DMXL1: variants seen among roughly 807,000 people sequenced by gnomAD.
DMXL1 encodes the protein dmX-like protein 1.
In DMXL1, 99 loss-of-function variants were observed where a neutral mutation model predicts 319.2. The ratio of observed to expected loss-of-function variants is 0.31; its 90% CI spans 0.26 to 0.37. DMXL1 has a LOEUF of 0.37. Among genes scored for constraint, DMXL1 ranks in the 10% least tolerant of loss-of-function variants. The pLI, the probability that DMXL1 is intolerant of heterozygous loss-of-function variation, is 1.00. For missense variants in DMXL1, 3,745 were observed against 3,595.6 expected (o/e 1.04, Z -1.06); for synonymous variants, 1,385 against 1,235.2 (o/e 1.12, Z -2.54).
In DMXL1 at chr5:119,071,225, G is replaced by A. The variant is rs768144893; in HGVS notation, c.-345G>A. 3.3e-6 allele frequency: 1 copy of A among 305,616 alleles called. No homozygotes were observed. The highest frequency in any genetic ancestry group is 6.2e-6 in the Non-Finnish European group (1 of 161,552). 18.9% of individuals were successfully genotyped at this position (305,616 alleles called of 1,614,324 possible). A position where few individuals can be genotyped will look rare whatever the true frequency, so the allele number is the denominator to read the frequency against. Reference sequence around the variant, plus strand: ...CAGGAGCGGCTGCCCGAGGTCCAGAGGAAGTGTGTGGACAGCGCGGCCTTC... The same window carrying A: ...CAGGAGCGGCTGCCCGAGGTCCAGAAGAAGTGTGTGGACAGCGCGGCCTTC... On this transcript the variant is annotated 5_prime_UTR_variant, in exon 1 of 44. Transcript: ENST00000539542.
chr5:119,158,711 A>G (rs1027349176), intron 19 of DMXL1, among the ~76,000 whole-genome samples: 9 of 152,186 alleles, frequency 5.9e-5, no homozygotes, highest in Non-Finnish European at 1.3e-4. Context: ...GAATTTTATC[A>G]GATGCTTTTT....
At chr5:119,213,002 C>A (rs2150528818) in intron 34 of DMXL1, among the ~76,000 whole-genome samples, 1 of 152,206 alleles carries the variant, frequency 6.6e-6, no homozygotes, top group African/African-American at 2.4e-5. Flanking sequence ...CTATTCTGTG[C>A]CTGCACTCAA....
chr5:119,150,293 T>G lies in DMXL1; in HGVS notation c.4466T>G (p.Leu1489Arg). The G allele has an allele frequency of 6.2e-7, 1 of 1,613,882 alleles. No individual in the cohort carries two copies. Among genetic ancestry groups the G allele is most frequent in the Non-Finnish European group, 8.5e-7 (1 of 1,179,874 alleles). ...TYFGPEHAQV[L>R]SGHLLHSSLP... Reference sequence around the variant, plus strand: ...TTTGGACCTGAGCATGCTCAGGTTCTTTCTGGCCACTTACTTCATTCTAGT... The same window carrying G: ...TTTGGACCTGAGCATGCTCAGGTTCGTTCTGGCCACTTACTTCATTCTAGT... The change falls in exon 18 of 44, where the codon CTT becomes CGT. Residue 1489 changes from leucine to arginine, a missense_variant. This residue lies in a region of DMXL1 where 2,096 missense variants were observed against 1,985.4 expected (regional missense o/e 1.06). Coordinates refer to ENST00000539542, the MANE Select transcript of DMXL1 (RefSeq NM_001290321.3).
At chr5:119,105,431 C>G (rs1189893885) in intron 4 of DMXL1, among the ~76,000 whole-genome samples, 173 bp downstream of exon 4, 1 of 152,056 alleles carries the variant, frequency 6.6e-6, no homozygotes, top group African/African-American at 2.4e-5. Flanking sequence ...CAGATATGCA[C>G]TGTAAGAAAT....
chr5:119,095,504 G>A (rs780997919), intron 1 of DMXL1, among the ~76,000 whole-genome samples: 10 of 152,198 alleles, frequency 6.6e-5, no homozygotes, highest in Non-Finnish European at 1.3e-4. Flanking sequence ...TACTTGCAAC[G>A]TAATATCTGA....
Position 119,149,782 on chromosome 5 carries a change from T to G in DMXL1, c.3955T>G (p.Ser1319Ala), listed in dbSNP as rs758946355. ...SGLFEAAHVL[S>A]PTLPQYHPLQ... ...TCTTTTTGAAGCAGCTCATGTACTT[T>G]CCCCGACTCTACCTCAGTATCATCC... Residue 1319 changes from serine to alanine, a missense_variant, in exon 18 of 44, where the codon TCC becomes GCC. Ser to Ala is a moderately conservative substitution (Grantham distance 99). Transcript: ENST00000539542. The G allele has an allele frequency of 3.7e-6, 6 of 1,613,918 alleles. No individual in the cohort carries two copies. Among genetic ancestry groups the G allele is most frequent in the East Asian group, 2.2e-5 (1 of 44,874 alleles).
rs776518541 is a variant in DMXL1, at chr5:119,220,552, C to G, written c.8094C>G (p.Val2698=). The part of the protein sequence containing the change: ...LDVSGILATQ[V]YTWVDDDIEV... ...TTTCTGGAATTCTGGCCACACAGGT[C>G]TACACTTGGGTAGATGATGATATAG... is the stretch of plus-strand genomic sequence containing the variant. The change falls in exon 36 of 44, where the codon GTC becomes GTG. Residue 2698 remains valine, a synonymous_variant. Transcript: ENST00000539542. 6.2e-7 allele frequency: 1 copy of G among 1,613,926 alleles called. No homozygotes were observed. The highest frequency in any genetic ancestry group is 2.2e-5 in the East Asian group (1 of 44,830).
chr5:119,212,173 CAAACTG>C (rs1018944931), intron 34 of DMXL1, among the ~76,000 whole-genome samples: 1 of 152,186 alleles, frequency 6.6e-6, no homozygotes, highest in African/African-American at 2.4e-5. Flanking sequence ...TCATCCTCTC[CAAACTG>C]AAACTTTGTG....
At chr5:119,189,957 A>C in intron 29 of DMXL1, 71 bp downstream of exon 29, 7 of 1,449,624 alleles carry the variant, frequency 4.8e-6, no homozygotes, top group Non-Finnish European at 6.6e-6. Context: ...AATAAGTGTC[A>C]TTTTTGGTGC....
intron 34 of DMXL1, among the ~76,000 whole-genome samples, chr5:119,214,215 A>G (rs1783285834): frequency 1.3e-5 from 2 of 152,012 alleles, no homozygotes; most frequent in Non-Finnish European, 2.9e-5. Context: ...TCACCCACCT[A>G]TCAGGCCTGA....
In DMXL1 at chr5:119,159,594, C is replaced by G. The variant is rs911137043; in HGVS notation, c.4703-4913C>G. On this transcript the variant is annotated intron_variant, in intron 19 of 43. Coordinates refer to ENST00000539542, the MANE Select transcript of DMXL1 (RefSeq NM_001290321.3). ...ATTTGTGGTATCAGTTGTAGTGTCT[C>G]TTCGTTAACTTCTAATTTTATTTTT... Among the ~76,000 whole-genome samples the G allele has an allele frequency of 3.9e-5, 6 of 152,160 alleles. No individual in the cohort carries two copies. In the South Asian group the frequency reaches 1.2e-3, roughly 32 times the overall value.
At chr5:119,139,606 G>T (rs953792713) in intron 13 of DMXL1, among the ~76,000 whole-genome samples, 1 of 152,120 alleles carries the variant, frequency 6.6e-6, no homozygotes, top group African/African-American at 2.4e-5. Context: ...ACCAACACAG[G>T]AGCACCCAGA....
rs1774407288 is a variant in DMXL1, at chr5:119,170,867, G to A, written c.6076G>A (p.Val2026Ile). The A allele has an allele frequency of 3.1e-6, 5 of 1,612,348 alleles. No individual in the cohort carries two copies. The highest frequency in any genetic ancestry group is 2.5e-6 in the Non-Finnish European group (3 of 1,179,576). Residue 2026 changes from valine (V) to isoleucine (I), a missense_variant, in exon 24 of 44, where the codon GTT becomes ATT. Around this residue, in one of 4 missense-constraint regions of DMXL1, gnomAD observed 1,382 missense variants for 1,269.5 expected, o/e 1.09. Transcript: ENST00000539542. ...LLNPSEDIIA[V>I]QLKFRACLKI... ...AAATCCATCAGAAGATATAATTGCAGTTCAGTTAAAATTTAGAGCATGTTT... is the reference window on the plus strand; with the variant it reads ...AAATCCATCAGAAGATATAATTGCAATTCAGTTAAAATTTAGAGCATGTTT...
chr5:119,167,274 G>A (rs1333157309), intron 22 of DMXL1, among the ~76,000 whole-genome samples: 2 of 152,098 alleles, frequency 1.3e-5, no homozygotes, highest in South Asian at 2.1e-4. Context: ...TCCAGGGGCG[G>A]ATGGAGAATA....
At position 119,196,398 on chromosome 5, in the gene DMXL1, G is replaced by A; in HGVS notation, c.7485G>A (p.Val2495=). The part of the protein sequence containing the change: ...YSWSLMRLAM[V]QLVLNNLKTF... Reference sequence around the variant, plus strand: ...GGTCCTTGATGCGGTTGGCGATGGTGCAATTGGTGCTCAACAATTTGAAGA... The same window carrying A: ...GGTCCTTGATGCGGTTGGCGATGGTACAATTGGTGCTCAACAATTTGAAGA... The change falls in exon 31 of 44, where the codon GTG becomes GTA. Residue 2495 remains valine (V), a synonymous_variant. Coordinates refer to ENST00000539542, the MANE Select transcript of DMXL1 (RefSeq NM_001290321.3). The A allele has an allele frequency of 6.2e-7, 1 of 1,613,774 alleles. No homozygotes were observed. Among genetic ancestry groups the A allele is most frequent in the Non-Finnish European group, 8.5e-7 (1 of 1,179,796 alleles).
intron 35 of DMXL1, among the ~76,000 whole-genome samples, chr5:119,219,600 G>T (rs1014340526): frequency 8.0e-5 from 12 of 150,926 alleles, no homozygotes; most frequent in Non-Finnish European, 1.8e-4. Context: ...TTGAGACAGG[G>T]TATCATGCCT....
At position 119,178,222 on chromosome 5, in the gene DMXL1, G is replaced by A. The variant is rs779606224; in HGVS notation, c.7113G>A (p.Gln2371=). 6.2e-7 allele frequency: 1 copy of A among 1,613,464 alleles called. No individual in the cohort carries two copies. The highest frequency in any genetic ancestry group is 1.7e-5 in the Admixed American group (1 of 59,966). Residue 2371 remains glutamine, a synonymous_variant, in exon 28 of 44, where the codon CAG becomes CAA. Transcript: ENST00000539542. ...GGGAHVPSKE[Q]THSKTLPVSS... Reference sequence around the variant, plus strand: ...GTGCACATGTTCCTAGCAAAGAACAGACACATTCAAAAACTTTACCTGGTG... The same window carrying A: ...GTGCACATGTTCCTAGCAAAGAACAAACACATTCAAAAACTTTACCTGGTG...
intron 34 of DMXL1, among the ~76,000 whole-genome samples, chr5:119,209,720 T>G (rs1229952625): frequency 6.6e-6 from 1 of 152,212 alleles, no homozygotes; most frequent in Non-Finnish European, 1.5e-5. Flanking sequence ...AGGTATGTAG[T>G]AGTAGTTCAT....
intron 24 of DMXL1, among the ~76,000 whole-genome samples, 188 bp downstream of exon 24, chr5:119,171,468 G>A (rs1337309277): frequency 6.6e-6 from 1 of 152,088 alleles, no homozygotes; most frequent in Non-Finnish European, 1.5e-5. Flanking sequence ...AGACGATTCA[G>A]TATCAGGCCT....
Sources: allele counts gnomAD v4.1 joint callset (sites outside exome capture counted in the v4.1 genomes callset), GRCh38; gene constraint gnomAD v4.1.1; regional missense constraint gnomAD v4.1.1; transcripts MANE v1.5; gene names NCBI Gene and HGNC (gene_info 2026-07-23, HGNC 2026-07-21).